The following PID1 variants were observed in gnomAD, a reference collection of about 807,000 sequenced individuals.
PID1 encodes the protein PTB-containing, cubilin and LRP1-interacting protein.
A neutral mutation model predicts 19.1 loss-of-function variants in PID1; 10 were observed. The ratio of observed to expected loss-of-function variants is 0.52; its 90% CI spans 0.32 to 0.89. The LOEUF is 0.89. Among genes scored for constraint, PID1 ranks in the 40% least tolerant of loss-of-function variants. PID1 has a pLI of 0.03. For missense variants in PID1, 248 were observed against 285.3 expected (o/e 0.87, Z 0.94); for synonymous variants, 130 against 116.0 (o/e 1.12, Z -0.78).
At chr2:229,239,273 GACCAATTAGAGA>G (rs1323198566) in intron 1 of PID1, among the ~76,000 whole-genome samples, 2 of 152,076 alleles carry the variant, frequency 1.3e-5, no homozygotes, top group Non-Finnish European at 2.9e-5. Context: ...AAGAACTGAG[GACCAATTAGAGA>G]ACCACTGCTG....
intron 1 of PID1, among the ~76,000 whole-genome samples, chr2:229,213,989 T>C (rs1691792181): frequency 6.6e-6 from 1 of 152,226 alleles, no homozygotes; most frequent in Non-Finnish European, 1.5e-5. Context: ...TGTTATCCCA[T>C]TCAGCTCTCT....
intron 2 of PID1, among the ~76,000 whole-genome samples, chr2:229,038,039 T>C (rs1424881560): frequency 2.0e-5 from 3 of 152,072 alleles, no homozygotes; most frequent in African/African-American, 7.2e-5. Flanking sequence ...GCACTAAACA[T>C]TTAGAAAGAA....
chr2:229,139,027 GAAAGAAAGAAAGAGAA>G (rs1559251283), intron 2 of PID1, among the ~76,000 whole-genome samples: 4 of 79,366 alleles, frequency 5.0e-5, no homozygotes, highest in Non-Finnish European at 8.3e-5. Context: ...AAGAAAGAAA[GAAAGAAAGAAAGAGAA>G]AGAAAGAAAG....
At chr2:229,204,815 G>A (rs1574719505) in intron 1 of PID1, among the ~76,000 whole-genome samples, 2 of 152,082 alleles carry the variant, frequency 1.3e-5, no homozygotes, top group East Asian at 1.9e-4. Flanking sequence ...GTGAATGCAT[G>A]CAGAGGTCAT....
intron 1 of PID1, among the ~76,000 whole-genome samples, 164 bp downstream of exon 1, chr2:229,270,850 C>G (rs1461182570): frequency 6.6e-6 from 1 of 152,190 alleles, no homozygotes; most frequent in Non-Finnish European, 1.5e-5. Flanking sequence ...ATACCCCTGC[C>G]GGGTTCCTGG....
intron 1 of PID1, among the ~76,000 whole-genome samples, chr2:229,214,441 A>G (rs930702700): frequency 3.3e-5 from 5 of 152,208 alleles, no homozygotes; most frequent in African/African-American, 1.2e-4. Context: ...CTTCTTAAGA[A>G]GTAGATCCTG....
chr2:229,151,301 T>C (rs1027259235), intron 2 of PID1, among the ~76,000 whole-genome samples: 1 of 152,100 alleles, frequency 6.6e-6, no homozygotes, highest in African/African-American at 2.4e-5. Context: ...GAGCACAGGC[T>C]GTGGAGTCAG....
chr2:229,029,612 C>A (rs902744092), intron 2 of PID1, among the ~76,000 whole-genome samples: 2 of 151,862 alleles, frequency 1.3e-5, no homozygotes, highest in Admixed American at 1.3e-4. Flanking sequence ...GAAGGAGAGG[C>A]GGGCGGAACA....
chr2:229,181,814 G>A (rs1382211156), intron 1 of PID1, among the ~76,000 whole-genome samples: 1 of 152,210 alleles, frequency 6.6e-6, no homozygotes. Flanking sequence ...AGTATGAACA[G>A]ATTACTTTTT....
chr2:229,209,110 C>T lies in PID1; in HGVS notation c.31-53146G>A, dbSNP rs187987359. ...GTCAAAGGTTTCAAAAAAGGCCACA[C>T]CTGAGAGGGCCACATCTTATGCAAA... is the stretch of plus-strand genomic sequence containing the variant. On this transcript the variant is annotated intron_variant, in intron 1 of 2. Transcript: ENST00000392055. 4.5e-3 allele frequency among the ~76,000 whole-genome samples: 688 copies of T among 152,276 alleles called. 4 individuals are homozygous for T. Among genetic ancestry groups the T allele is most frequent in the Non-Finnish European group, 8.2e-3 (558 of 68,014 alleles).
intron 1 of PID1, among the ~76,000 whole-genome samples, chr2:229,226,396 G>A (rs535194379): frequency 5.3e-5 from 8 of 152,178 alleles, no homozygotes; most frequent in Admixed American, 5.2e-4. Context: ...AGCAAAAGAT[G>A]TTGCTGAATC....
At chr2:229,162,258 T>C (rs1690506027) in intron 1 of PID1, among the ~76,000 whole-genome samples, 1 of 152,228 alleles carries the variant, frequency 6.6e-6, no homozygotes. Flanking sequence ...ATTTTACAGT[T>C]GGCGCTGCTT....
intron 1 of PID1, among the ~76,000 whole-genome samples, chr2:229,205,763 A>G (rs958848532): frequency 2.0e-5 from 3 of 152,144 alleles, no homozygotes; most frequent in Non-Finnish European, 2.9e-5. Flanking sequence ...TATTTCCTGC[A>G]AGAATCCTCT....
At chr2:229,035,167 T>C (rs1488442245) in intron 2 of PID1, among the ~76,000 whole-genome samples, 1 of 152,204 alleles carries the variant, frequency 6.6e-6, no homozygotes, top group Non-Finnish European at 1.5e-5. Flanking sequence ...CTTTTTTAGA[T>C]GTGATTAACA....
chr2:229,060,942 AT>A (rs1694201211), intron 2 of PID1, among the ~76,000 whole-genome samples: 1 of 151,928 alleles, frequency 6.6e-6, no homozygotes, highest in Non-Finnish European at 1.5e-5. Context: ...TCACTTGTCC[AT>A]TTTTTGATTA....
intron 2 of PID1, among the ~76,000 whole-genome samples, chr2:229,036,097 C>A (rs1231774068): frequency 1.3e-5 from 2 of 152,150 alleles, no homozygotes; most frequent in Non-Finnish European, 2.9e-5. Context: ...TATTACCCTG[C>A]CTCTCGTGCA....
chr2:229,078,269 A>G lies in PID1; in HGVS notation c.178-52161T>C, dbSNP rs142148078. Among the ~76,000 whole-genome samples, 1,172 of 152,342 alleles carry G rather than the reference A, an allele frequency of 7.7e-3. 20 individuals carry two copies. Among genetic ancestry groups the G allele is most frequent in the African/African-American group, 0.026 (1,081 of 41,582 alleles). ...TGTGGTATACTGAGGCTTTGCTGAA[A>G]TTGCCTAACAGCTTAAGGGGCTTTT... On this transcript the variant is annotated intron_variant, in intron 2 of 2. Transcript: ENST00000392055.
rs866782150 is a variant in PID1, at chr2:229,139,117, G to A, written c.177+16701C>T. The stretch of plus-strand genomic sequence containing the variant: ...AAAGAAAGAAAGAAAGAAAGAAAGA[G>A]AAAGAAAGAAAGAAAGAAAGAAAGA... On this transcript the variant is annotated intron_variant, in intron 2 of 2. Transcript: ENST00000392055. Among the ~76,000 whole-genome samples the A allele has an allele frequency of 6.9e-3, 538 of 78,410 alleles. 7 individuals are homozygous for A. Among genetic ancestry groups the A allele is most frequent in the Non-Finnish European group, 9.3e-3 (347 of 37,408 alleles). The allele number at this position is 78,410 out of a possible 152,430, so 51.4% of individuals were successfully genotyped here.
At chr2:229,094,660 A>G (rs534318503) in intron 2 of PID1, among the ~76,000 whole-genome samples, 1 of 152,308 alleles carries the variant, frequency 6.6e-6, no homozygotes, top group African/African-American at 2.4e-5. Context: ...TCTTTGACAA[A>G]GCATACAAAA....
Sources: gnomAD v4.1 joint callset for allele counts (sites outside exome capture counted in the v4.1 genomes callset) on GRCh38, gnomAD v4.1.1 for gene constraint, MANE v1.5 for transcripts, NCBI Gene and HGNC (gene_info 2026-07-23, HGNC 2026-07-21) for gene names.